Variants in CMTR1 observed in about 807,000 individuals in gnomAD.
The protein encoded by CMTR1 is cap methyltransferase 1.
Under a neutral mutation model 107.0 loss-of-function variants are expected in CMTR1, and 39 were observed. The observed-to-expected ratio is 0.36, with a 90% CI of 0.28 to 0.48. The LOEUF is 0.48. Ranked by LOEUF, CMTR1 falls within the 20% of genes least tolerant of loss-of-function variation. CMTR1 has a pLI of 0.99. For synonymous variants in CMTR1, 366 were observed against 379.5 expected, an observed-to-expected ratio of 0.96 and a Z score of 0.41; for missense variants, 672 against 1,064.9, an observed-to-expected ratio of 0.63 and a Z score of 5.14.
chr6:37,471,898 C>T lies in CMTR1; in HGVS notation c.1614C>T (p.Leu538=), dbSNP rs753418421. 2 of 1,613,302 alleles carry T rather than the reference C, an allele frequency of 1.2e-6. No individual in the cohort carries two copies. Among genetic ancestry groups the T allele is most frequent in the Admixed American group, 3.3e-5 (2 of 59,974 alleles). The change falls in exon 15 of 24, where the codon CTC becomes CTT. Residue 538 remains leucine (L), a synonymous_variant. Transcript: ENST00000373451. ...QAEIRKECLR[L]WGIPDQARVA... The stretch of plus-strand genomic sequence containing the variant: ...AGATACGGAAGGAGTGCCTCCGACT[C>T]TGGGGGGTGAGTATCTCCCCCGCCC...
intron 4 of CMTR1, among the ~76,000 whole-genome samples, chr6:37,447,978 A>G (rs1194685943): frequency 1.3e-5 from 2 of 152,244 alleles, no homozygotes; most frequent in Non-Finnish European, 2.9e-5. Flanking sequence ...TGGGAGGCCA[A>G]GGCAGGTGGA....
chr6:37,480,839 G>A lies in CMTR1; in HGVS notation c.*694G>A, dbSNP rs1010034652. ...TTGAGATCCTGGGAGCCCTCTTTTCGTACTGAGTATGGAGTTGTAGAGCCA... is the reference window on the plus strand; with the variant it reads ...TTGAGATCCTGGGAGCCCTCTTTTCATACTGAGTATGGAGTTGTAGAGCCA... On this transcript the variant is annotated 3_prime_UTR_variant, in exon 24 of 24. Coordinates refer to ENST00000373451, the MANE Select transcript of CMTR1 (RefSeq NM_015050.3). The A allele has an allele frequency of 3.5e-6, 4 of 1,149,564 alleles. No individual in the cohort carries two copies. Among genetic ancestry groups the A allele is most frequent in the East Asian group, 1.3e-4 (2 of 14,924 alleles). 71.2% of individuals were successfully genotyped at this position (1,149,564 alleles called of 1,614,324 possible). A position where few individuals can be genotyped will look rare whatever the true frequency, so the allele number is the denominator to read the frequency against.
Position 37,458,511 on chromosome 6 carries a change from CT to C in CMTR1, c.778-99del. 1 of 1,140,956 alleles carries C rather than the reference CT, an allele frequency of 8.8e-7. No homozygotes were observed. The highest frequency in any genetic ancestry group is 1.2e-6 in the Non-Finnish European group (1 of 801,262). 70.7% of individuals were successfully genotyped at this position (1,140,956 alleles called of 1,614,324 possible). On this transcript the variant is annotated intron_variant, in intron 8 of 23. Coordinates refer to ENST00000373451, the MANE Select transcript of CMTR1 (RefSeq NM_015050.3). This position sits in a 1 kb window ranked among gnomAD's most constrained non-coding sequence, Gnocchi z 4.7. ...GCTCTGGTGGGAGCTCTGGATTGTA[CT>C]TGCCGAAAGGCTTATTTTACTCTCC... is the stretch of plus-strand genomic sequence containing the variant.
intron 18 of CMTR1, among the ~76,000 whole-genome samples, chr6:37,474,992 A>G (rs994967085): frequency 6.6e-6 from 1 of 152,100 alleles, no homozygotes; most frequent in Non-Finnish European, 1.5e-5. Flanking sequence ...TGAGTATGAA[A>G]TCTATATGGT....
At chr6:37,432,784 A>AT (rs1394424777), upstream of CMTR1, among the ~76,000 whole-genome samples, 1 of 152,190 alleles carries the variant, frequency 6.6e-6, no homozygotes, top group Non-Finnish European at 1.5e-5. Context: ...ATATGGTAAG[A>AT]TGCTACAGGC....
Position 37,481,203 on chromosome 6 carries a change from G to A in CMTR1, c.*1058G>A. 1.5e-6 allele frequency: 2 copies of A among 1,302,574 alleles called. No individual in the cohort carries two copies. Among genetic ancestry groups the A allele is most frequent in the South Asian group, 2.5e-5 (2 of 80,850 alleles). The allele number at this position is 1,302,574 out of a possible 1,614,324, so 80.7% of individuals were successfully genotyped here. A position where few individuals can be genotyped will look rare whatever the true frequency, so the allele number is the denominator to read the frequency against. On this transcript the variant is annotated 3_prime_UTR_variant, in exon 24 of 24. Transcript: ENST00000373451. ...GCCGACAACACAGAGAGGAGGGGGA[G>A]CTGGGCAGTAGCTTGGGGTGGGGGT...
chr6:37,433,099 T>A (rs1581722369), upstream of CMTR1: 1 of 152,320 alleles, frequency 6.6e-6, no homozygotes, highest in Admixed American at 6.5e-5. Flanking sequence ...CAGGCGCCCC[T>A]GGACCTCCCA....
At position 37,446,566 on chromosome 6, in the gene CMTR1, T is replaced by G; in HGVS notation, c.444+117T>G. ...AGAGGCAGTATGAGCAAAGTGGAAT[T>G]AGTTTTTTACGTGGAAAGTACTGGG... On this transcript the variant is annotated intron_variant, in intron 4 of 23. Coordinates refer to ENST00000373451, the MANE Select transcript of CMTR1 (RefSeq NM_015050.3). 7.2e-6 allele frequency: 9 copies of G among 1,242,336 alleles called. No individual in the cohort carries two copies. The South Asian group carries it at 1.2e-4, about 16-fold the overall frequency. The allele number at this position is 1,242,336 out of a possible 1,614,324, so 77.0% of individuals were successfully genotyped here. A position where few individuals can be genotyped will look rare whatever the true frequency, so the allele number is the denominator to read the frequency against.
the CMTR1 span, among the ~76,000 whole-genome samples, chr6:37,425,460 A>AT: frequency 1.4e-5 from 2 of 147,270 alleles, no homozygotes; most frequent in East Asian, 4.1e-4. Context: ...CGCCTGGCTA[A>AT]TTTTTTTGTA....
chr6:37,471,135 TC>T, intron 14 of CMTR1, 58 bp downstream of exon 14: 1 of 1,459,194 alleles, frequency 6.9e-7, no homozygotes, highest in Non-Finnish European at 9.4e-7. Context: ...TTGCTTTTCC[TC>T]CCCACAAGCT....
intron 4 of CMTR1, among the ~76,000 whole-genome samples, chr6:37,448,801 G>T (rs1268746836): frequency 6.6e-6 from 1 of 152,178 alleles, no homozygotes. Context: ...TATAATCCAT[G>T]TTTCTCTATC....
At chr6:37,451,617 C>T (rs576319550) in intron 5 of CMTR1, among the ~76,000 whole-genome samples, 189 bp from the exon 6 acceptor site, 34 of 152,144 alleles carry the variant, frequency 2.2e-4, no homozygotes, top group Non-Finnish European at 4.3e-4. Flanking sequence ...GGTGCTTCAT[C>T]TCACAGCCAT....
chr6:37,452,028 T>C (rs1761183343), intron 6 of CMTR1, 151 bp downstream of exon 6: 2 of 627,086 alleles, frequency 3.2e-6, no homozygotes, highest in Non-Finnish European at 5.6e-6. Context: ...ATCTGCAAAT[T>C]GTCTTTTTCC....
upstream of CMTR1, among the ~76,000 whole-genome samples, chr6:37,432,456 G>T (rs147358731): frequency 1.0e-3 from 154 of 152,302 alleles, 1 homozygote; most frequent in Non-Finnish European, 1.7e-3. Flanking sequence ...TCTGCCGAGA[G>T]GGGGTAAGTG....
intron 2 of CMTR1, among the ~76,000 whole-genome samples, chr6:37,440,646 G>A (rs1771653355): frequency 6.6e-6 from 1 of 152,216 alleles, no homozygotes; most frequent in Non-Finnish European, 1.5e-5. Flanking sequence ...TTGGGAGGAA[G>A]AGTAGGAGGG....
chr6:37,459,208 C>A (rs926677068), intron 9 of CMTR1, among the ~76,000 whole-genome samples: 1 of 152,266 alleles, frequency 6.6e-6, no homozygotes, highest in Non-Finnish European at 1.5e-5. Flanking sequence ...GCTCAGCAAC[C>A]CACAGCAGTC....
Position 37,474,559 on chromosome 6 carries a change from A to G in CMTR1, c.1857A>G (p.Ser619=), listed in dbSNP as rs1182740303. The G allele has an allele frequency of 6.2e-7, 1 of 1,614,006 alleles. No homozygotes were observed. The highest frequency in any genetic ancestry group is 1.3e-5 in the African/African-American group (1 of 74,944). Residue 619 remains serine, a synonymous_variant, in exon 18 of 24, where the codon TCA becomes TCG. Coordinates refer to ENST00000373451, the MANE Select transcript of CMTR1 (RefSeq NM_015050.3). The stretch of plus-strand genomic sequence containing the variant: ...TCTACACATGGGATGGCCGCCAGTC[A>G]GACCGCTGGATCAAGCTAGACCTGA... ...SQIYTWDGRQ[S]DRWIKLDLKT...
At chr6:37,461,720 G>T in intron 11 of CMTR1, 75 bp downstream of exon 11, 1 of 1,063,550 alleles carries the variant, frequency 9.4e-7, no homozygotes, top group Non-Finnish European at 1.4e-6. Context: ...TGTACAAGGG[G>T]TTGGTGGGGA....
chr6:37,473,030 G>A (rs1366021837), intron 16 of CMTR1, among the ~76,000 whole-genome samples: 1 of 152,110 alleles, frequency 6.6e-6, no homozygotes, highest in African/African-American at 2.4e-5. Flanking sequence ...TGGTTTTGTG[G>A]GGGTCAGGGA....
Sources: gnomAD v4.1 joint callset for allele counts (sites outside exome capture counted in the v4.1 genomes callset) on GRCh38, gnomAD v4.1.1 for gene constraint, Gnocchi (gnomAD v3.1) non-coding constraint, MANE v1.5 for transcripts, NCBI Gene and HGNC (gene_info 2026-07-23, HGNC 2026-07-21) for gene names.